The following CAST variants were observed in gnomAD, a reference collection of about 807,000 sequenced individuals.
CAST encodes calpastatin.
A neutral mutation model predicts 119.6 loss-of-function variants in CAST; 76 were observed. The ratio of observed to expected loss-of-function variants is 0.64; its 90% confidence interval spans 0.53 to 0.77. The LOEUF (loss-of-function observed/expected upper bound fraction) is 0.77, where lower values mean the gene tolerates loss of function less well. CAST is among the 30% of genes least tolerant of loss of function. CAST has a pLI of 0.00. For synonymous variants in CAST, 319 were observed against 331.6 expected, an observed-to-expected ratio of 0.96 and a Z score of 0.41; for missense variants, 953 against 946.5, an observed-to-expected ratio of 1.01 and a Z score of -0.09.
the CAST span, among the ~76,000 whole-genome samples, chr5:96,431,562 G>T: frequency 6.6e-6 from 1 of 152,072 alleles, no homozygotes; most frequent in Non-Finnish European, 1.5e-5. Flanking sequence ...CCCCTAACAC[G>T]GAGCCTGGCA....
the CAST span, among the ~76,000 whole-genome samples, chr5:96,425,068 GA>G: frequency 1.9e-4 from 26 of 136,456 alleles, no homozygotes; most frequent in East Asian, 1.4e-3. Context: ...AAGAAAGAAA[GA>G]AAGAAAACGT....
the CAST span, among the ~76,000 whole-genome samples, chr5:96,128,173 C>G: frequency 6.6e-6 from 1 of 152,060 alleles, no homozygotes; most frequent in African/African-American, 2.4e-5. Flanking sequence ...ATGCCCTGTT[C>G]CCTTCGTGTA....
intron 1 of CAST, among the ~76,000 whole-genome samples, chr5:96,645,347 G>A (rs1031633686): frequency 4.6e-5 from 7 of 152,100 alleles, no homozygotes; most frequent in African/African-American, 9.7e-5. Context: ...CATTCATCAC[G>A]CGGTTAAGGT....
At chr5:96,038,224 C>A in the CAST span, among the ~76,000 whole-genome samples, 1 of 151,852 alleles carries the variant, frequency 6.6e-6, no homozygotes, top group African/African-American at 2.4e-5. Context: ...AGATTATAGC[C>A]CAAAGTATGG....
chr5:96,304,784 C>A, the CAST span, among the ~76,000 whole-genome samples: 2 of 152,064 alleles, frequency 1.3e-5, no homozygotes, highest in Admixed American at 1.3e-4. Context: ...ATTTTGCAGG[C>A]CTCTGTTCTG....
the CAST span, among the ~76,000 whole-genome samples, chr5:96,270,766 A>C: frequency 6.6e-6 from 1 of 152,136 alleles, no homozygotes; most frequent in Non-Finnish European, 1.5e-5. Flanking sequence ...TGCTGGGCTT[A>C]ATTCCTGGGT....
chr5:96,107,647 G>T, the CAST span, among the ~76,000 whole-genome samples: 2 of 152,046 alleles, frequency 1.3e-5, no homozygotes, highest in Non-Finnish European at 2.9e-5. Context: ...CTCTCTGGCT[G>T]CCCTTAACAT....
At chr5:96,230,639 G>T in the CAST span, among the ~76,000 whole-genome samples, 1 of 152,112 alleles carries the variant, frequency 6.6e-6, no homozygotes, top group Non-Finnish European at 1.5e-5. Context: ...AAGTAGGATT[G>T]TTAACTTGGT....
In CAST at chr5:96,561,796, G is replaced by GTTTTTTTTTTTTTTTTTTTTTTTTTT. The variant is rs11375615; in HGVS notation, c.60+31930_60+31931insTTTTTTTTTTTTTTTTTTTTTTTTTT. Among the ~76,000 whole-genome samples, 4 of 97,422 alleles carry GTTTTTTTTTTTTTTTTTTTTTTTTTT rather than the reference G, an allele frequency of 4.1e-5. 1 individual carries two copies. The highest frequency in any genetic ancestry group is 3.8e-5 in the Non-Finnish European group (2 of 52,248). The allele number at this position is 97,422 out of a possible 152,430, so 63.9% of individuals were successfully genotyped here. On this transcript the variant is annotated intron_variant, in intron 1 of 11. Coordinates refer to the CAST transcript ENST00000505143. ...GTGTATTATATATATGTTTTTTTTT[G>GTTTTTTTTTTTTTTTTTTTTTTTTTT]TTTTTTTTTTTTTTGAGACGGAGTC...
intron 1 of CAST, among the ~76,000 whole-genome samples, chr5:96,558,182 A>C (rs1416427107): frequency 6.6e-6 from 1 of 152,218 alleles, no homozygotes; most frequent in Non-Finnish European, 1.5e-5. Flanking sequence ...AACATATCAG[A>C]ATCTCTGGGA....
the CAST span, among the ~76,000 whole-genome samples, chr5:96,180,420 G>T: frequency 2.0e-5 from 3 of 152,162 alleles, no homozygotes; most frequent in African/African-American, 7.2e-5. Context: ...ATATCTCTGG[G>T]ACCATATGTA....
chr5:96,242,290 T>C, the CAST span, among the ~76,000 whole-genome samples: 3 of 152,174 alleles, frequency 2.0e-5, no homozygotes, highest in African/African-American at 7.2e-5. Flanking sequence ...CTTTCACATA[T>C]TTAAATTAAT....
chr5:96,320,822 C>A, the CAST span, among the ~76,000 whole-genome samples: 1 of 152,118 alleles, frequency 6.6e-6, no homozygotes, highest in Non-Finnish European at 1.5e-5. Flanking sequence ...CTCTTGCAGG[C>A]TAGGGGGATG....
chr5:95,997,825 C>A, the CAST span, among the ~76,000 whole-genome samples: 1 of 152,050 alleles, frequency 6.6e-6, no homozygotes, highest in Non-Finnish European at 1.5e-5. Context: ...GTCAGCATTC[C>A]AAGGGCAGGG....
At chr5:96,118,068 A>G in the CAST span, among the ~76,000 whole-genome samples, 1 of 152,220 alleles carries the variant, frequency 6.6e-6, no homozygotes, top group African/African-American at 2.4e-5. Flanking sequence ...TGTAGTTGGA[A>G]AAGTATTTGA....
At chr5:95,972,537 G>C in the CAST span, among the ~76,000 whole-genome samples, 1 of 151,926 alleles carries the variant, frequency 6.6e-6, no homozygotes, top group Non-Finnish European at 1.5e-5. Flanking sequence ...TTTTGTTGAA[G>C]TGTCTTTTCA....
chr5:96,204,378 C>T, the CAST span, among the ~76,000 whole-genome samples: 1 of 152,006 alleles, frequency 6.6e-6, no homozygotes. Context: ...GGTGTCTACA[C>T]TGATGCACAA....
chr5:96,430,504 A>G, the CAST span, among the ~76,000 whole-genome samples: 1 of 152,206 alleles, frequency 6.6e-6, no homozygotes, highest in African/African-American at 2.4e-5. Context: ...GCAGAAAAAG[A>G]TCACCAGTGC....
At chr5:96,429,418 A>G in the CAST span, 1 of 681,142 alleles carries the variant, frequency 1.5e-6, no homozygotes, top group Admixed American at 2.4e-5. Context: ...ACTTTTATTA[A>G]GCCCATTCCT....
Sources: gnomAD v4.1 joint callset for allele counts (sites outside exome capture counted in the v4.1 genomes callset) on GRCh38, gnomAD v4.1.1 for gene constraint, MANE v1.5 for transcripts, NCBI Gene and HGNC (gene_info 2026-07-23, HGNC 2026-07-21) for gene names.